The following PLPP3 variants were observed in gnomAD, a reference collection of about 807,000 sequenced individuals.
PLPP3 encodes phospholipid phosphatase 3.
PLPP3 carries 6 observed loss-of-function variants against 29.6 expected under a neutral mutation model. That is an observed-to-expected ratio of 0.20 (90% confidence interval 0.11 to 0.40). PLPP3 has a LOEUF of 0.40. PLPP3 is among the 10% of genes least tolerant of loss of function. PLPP3 has a pLI of 1.00. For missense variants in PLPP3, 308 were observed against 407.7 expected (o/e 0.76, Z 2.11); for synonymous variants, 152 against 159.7 (o/e 0.95, Z 0.36).
intron 5 of PLPP3, among the ~76,000 whole-genome samples, chr1:56,507,604 C>T (rs1478310984): frequency 6.6e-6 from 1 of 152,184 alleles, no homozygotes; most frequent in African/African-American, 2.4e-5. Flanking sequence ...GGAAGTGAGA[C>T]AATACTGTCT....
chr1:56,553,328 T>C (rs974285662), intron 1 of PLPP3, among the ~76,000 whole-genome samples: 1 of 152,180 alleles, frequency 6.6e-6, no homozygotes, highest in African/African-American at 2.4e-5. Flanking sequence ...GGCTGTGTTT[T>C]AGAAAGTACA....
chr1:56,518,712 C>T (rs1557501225), intron 4 of PLPP3, among the ~76,000 whole-genome samples: 1 of 81,110 alleles, frequency 1.2e-5, no homozygotes, highest in African/African-American at 5.0e-5. Flanking sequence ...CTTTTTTAAT[C>T]ATTTATATAT....
intron 1 of PLPP3, among the ~76,000 whole-genome samples, chr1:56,546,087 T>A (rs935365726): frequency 7.2e-5 from 11 of 152,252 alleles, no homozygotes; most frequent in African/African-American, 2.7e-4. Flanking sequence ...TTTTAAATTG[T>A]TAACATTTAA....
chr1:56,564,360 G>C (rs1451210632), intron 1 of PLPP3, among the ~76,000 whole-genome samples: 2 of 152,136 alleles, frequency 1.3e-5, no homozygotes, highest in Non-Finnish European at 2.9e-5. Context: ...TGCATGTGGT[G>C]GTACTGATGT....
chr1:56,520,499 T>A (rs1203402000), intron 4 of PLPP3, among the ~76,000 whole-genome samples: 1 of 152,142 alleles, frequency 6.6e-6, no homozygotes, highest in Non-Finnish European at 1.5e-5. Flanking sequence ...TAAGGGCTTC[T>A]CGGACTGACT....
At chr1:56,578,789 G>C in intron 1 of PLPP3, 89 bp downstream of exon 1, 1 of 1,255,176 alleles carries the variant, frequency 8.0e-7, no homozygotes, top group Non-Finnish European at 1.0e-6. Context: ...GCGCGGCGCG[G>C]CGCGGCGCTG....
At chr1:56,498,318 T>C (rs774349524) in intron 5 of PLPP3, among the ~76,000 whole-genome samples, 3 of 152,202 alleles carry the variant, frequency 2.0e-5, no homozygotes, top group Non-Finnish European at 2.9e-5. Flanking sequence ...TAGGCTCCCC[T>C]GCCAGAAAAT....
At chr1:56,574,825 G>A (rs1473189379) in intron 1 of PLPP3, among the ~76,000 whole-genome samples, 1 of 152,116 alleles carries the variant, frequency 6.6e-6, no homozygotes, top group Non-Finnish European at 1.5e-5. Flanking sequence ...GTCTAAGAGG[G>A]GCAGTGGGTA....
chr1:56,545,804 G>A (rs1207852370), intron 1 of PLPP3, among the ~76,000 whole-genome samples: 3 of 152,180 alleles, frequency 2.0e-5, no homozygotes, highest in Admixed American at 6.5e-5. Flanking sequence ...TAAACAACAC[G>A]TGGACTGGCA....
chr1:56,519,152 G>T (rs1404096786), intron 4 of PLPP3, among the ~76,000 whole-genome samples: 1 of 152,100 alleles, frequency 6.6e-6, no homozygotes, highest in Admixed American at 6.6e-5. Flanking sequence ...TCTCAAGCGT[G>T]CCCTCCATTC....
intron 4 of PLPP3, among the ~76,000 whole-genome samples, chr1:56,519,606 T>G (rs894573590): frequency 3.9e-5 from 6 of 152,116 alleles, no homozygotes; most frequent in African/African-American, 1.4e-4. Context: ...TGCCCTGGTG[T>G]TGACATTTTA....
chr1:56,524,692 C>T lies in PLPP3; in HGVS notation c.298-138G>A. On this transcript the variant is annotated intron_variant, in intron 2 of 5. Transcript: ENST00000371250. The surrounding 1 kb of genome is among the most constrained non-coding windows in gnomAD (Gnocchi z 4.3). ...CCTAATTTTCTATTTATGAAATATA[C>T]AGACACAAATATGCACAGAAGAAAA... 3 of 1,053,758 alleles carry T rather than the reference C, an allele frequency of 2.8e-6. No homozygotes were observed. In the South Asian group the frequency reaches 5.1e-5, roughly 18 times the overall value. 65.3% of individuals were successfully genotyped at this position (1,053,758 alleles called of 1,614,324 possible).
At chr1:56,558,401 CAT>C (rs1170590608) in intron 1 of PLPP3, among the ~76,000 whole-genome samples, 1 of 152,162 alleles carries the variant, frequency 6.6e-6, no homozygotes, top group Non-Finnish European at 1.5e-5. Context: ...GTGCAGCTGC[CAT>C]ATGATTCTCT....
chr1:56,497,544 C>T (rs1645638607), intron 5 of PLPP3, among the ~76,000 whole-genome samples: 1 of 152,172 alleles, frequency 6.6e-6, no homozygotes, highest in Non-Finnish European at 1.5e-5. Flanking sequence ...CCATAAGCGG[C>T]AGCTATCAGT....
chr1:56,539,898 T>C (rs1308157356), intron 1 of PLPP3, among the ~76,000 whole-genome samples: 1 of 152,186 alleles, frequency 6.6e-6, no homozygotes, highest in Non-Finnish European at 1.5e-5. Context: ...CTGCAGTTGC[T>C]CTGGTGCCTA....
intron 5 of PLPP3, among the ~76,000 whole-genome samples, chr1:56,507,715 ATTAAG>A (rs963029766): frequency 1.3e-5 from 2 of 152,184 alleles, no homozygotes; most frequent in African/African-American, 4.8e-5. Context: ...ATAAAATGAG[ATTAAG>A]TTAAGATCTT....
At chr1:56,532,444 C>A (rs960956598) in intron 2 of PLPP3, among the ~76,000 whole-genome samples, 3 of 151,838 alleles carry the variant, frequency 2.0e-5, no homozygotes, top group Non-Finnish European at 4.4e-5. Flanking sequence ...ACCTTGTTTT[C>A]TTGGCAGGGC....
At chr1:56,563,660 G>A (rs1646144611) in intron 1 of PLPP3, among the ~76,000 whole-genome samples, 1 of 152,168 alleles carries the variant, frequency 6.6e-6, no homozygotes, top group Admixed American at 6.5e-5. Flanking sequence ...GTTAGTAAAT[G>A]ACCTCTGCTA....
At chr1:56,513,624 A>T (rs577269479) in intron 4 of PLPP3, 1 of 152,208 alleles carries the variant, frequency 6.6e-6, no homozygotes, top group Non-Finnish European at 1.5e-5. Context: ...AACTACGTGG[A>T]ACACTATTTC....
Sources: gnomAD v4.1 joint callset for allele counts (sites outside exome capture counted in the v4.1 genomes callset) on GRCh38, gnomAD v4.1.1 for gene constraint, Gnocchi (gnomAD v3.1) non-coding constraint, MANE v1.5 for transcripts, NCBI Gene and HGNC (gene_info 2026-07-23, HGNC 2026-07-21) for gene names.